PARD3: variants seen among roughly 807,000 people sequenced by gnomAD.
PARD3 encodes the protein partitioning defective 3 homolog.
In PARD3, 75 loss-of-function variants were observed where a neutral mutation model predicts 155.4. The ratio of observed to expected loss-of-function variants is 0.48; its 90% CI spans 0.40 to 0.58. PARD3 has a LOEUF of 0.58. Among genes scored for constraint, PARD3 ranks in the 20% least tolerant of loss-of-function variants. The probability of loss-of-function intolerance (pLI) is 0.00; values close to 1 mark genes in which losing one functional copy is unlikely to be tolerated. For missense variants in PARD3, 1,642 were observed against 1,721.7 expected, an observed-to-expected ratio of 0.95 and a Z score of 0.82; for synonymous variants, 576 against 610.5, an observed-to-expected ratio of 0.94 and a Z score of 0.83.
At chr10:34,466,281 G>A (rs1476814920) in intron 4 of PARD3, among the ~76,000 whole-genome samples, 18 of 152,114 alleles carry the variant, frequency 1.2e-4, no homozygotes. Flanking sequence ...AAGCAACTGA[G>A]TATCATCATC....
Position 34,499,781 on chromosome 10 carries a change from A to G in PARD3, c.403+17198T>C, listed in dbSNP as rs1158419272. Among the ~76,000 whole-genome samples, 5 of 152,212 alleles carry G rather than the reference A, an allele frequency of 3.3e-5. No individual in the cohort carries two copies. In the South Asian group the frequency reaches 6.2e-4, roughly 19 times the overall value. ...AGTTTGACAGGGCTGAGAAGAAAGG[A>G]GAGTCCAGCCATCTCTCAGTGTCTG... On this transcript the variant is annotated intron_variant, in intron 3 of 24. Transcript: ENST00000374788.
At chr10:34,320,038 A>G (rs934797611) in intron 19 of PARD3, among the ~76,000 whole-genome samples, 7 of 152,306 alleles carry the variant, frequency 4.6e-5, no homozygotes, top group African/African-American at 1.4e-4. Context: ...CTCATATGAT[A>G]TCACATACAT....
chr10:34,358,552 G>C (rs28548689), intron 14 of PARD3, among the ~76,000 whole-genome samples: 1 of 152,048 alleles, frequency 6.6e-6, no homozygotes, highest in Non-Finnish European at 1.5e-5. Flanking sequence ...TGTGGGCCAG[G>C]TGCTATGGCG....
chr10:34,384,196 G>T lies in PARD3; in HGVS notation c.949C>A (p.Leu317Ile). The stretch of plus-strand genomic sequence containing the variant: ...ACAATGCAATCATTCTCACGAAAAA[G>T]ATTTTCATGTTCAGCTTTACCACCT... ...EKGGKAEHEN[L>I]FRENDCIVRI... The change falls in exon 8 of 25, where the codon CTT becomes ATT. Residue 317 changes from leucine to isoleucine, a missense_variant. Around this residue, in one of 3 missense-constraint regions of PARD3, gnomAD observed 1,529 missense variants for 1,587.3 expected, o/e 0.96. Coordinates refer to ENST00000374788, the MANE Select transcript of PARD3 (RefSeq NM_001184785.2). The T allele has an allele frequency of 1.9e-6, 3 of 1,613,426 alleles. No homozygotes were observed. The highest frequency in any genetic ancestry group is 2.5e-6 in the Non-Finnish European group (3 of 1,179,562).
intron 22 of PARD3, among the ~76,000 whole-genome samples, chr10:34,144,889 A>C (rs916675405): frequency 6.6e-6 from 1 of 152,066 alleles, no homozygotes; most frequent in African/African-American, 2.4e-5. Flanking sequence ...CACATACGCC[A>C]ATCTAGGCTG....
chr10:34,579,554 CTGTGTGTGTGTGTGTGTGTGTGTG>C lies in PARD3; in HGVS notation c.223-62419_223-62396del, dbSNP rs554959827. ...AAATAAATAAAAGCTACCATTTTCT[CTGTGTGTGTGTGTGTGTGTGTGTG>C]TGTGTGTGTGTGTGTGTTTTGACAC... On this transcript the variant is annotated intron_variant, in intron 2 of 24. Coordinates refer to ENST00000374788, the MANE Select transcript of PARD3 (RefSeq NM_001184785.2). Among the ~76,000 whole-genome samples, 24 of 122,572 alleles carry C rather than the reference CTGTGTGTGTGTGTGTGTGTGTGTG, an allele frequency of 2.0e-4. No individual in the cohort carries two copies. In the South Asian group the frequency reaches 4.7e-3, roughly 24 times the overall value. The allele number at this position is 122,572 out of a possible 152,430, so 80.4% of individuals were successfully genotyped here.
chr10:34,117,373 G>C (rs1946737028), intron 24 of PARD3, among the ~76,000 whole-genome samples: 1 of 152,170 alleles, frequency 6.6e-6, no homozygotes. Context: ...CATGCCAGGT[G>C]GGCCAATTCG....
chr10:34,694,095 G>T (rs754181108), intron 2 of PARD3, among the ~76,000 whole-genome samples: 15 of 151,134 alleles, frequency 9.9e-5, no homozygotes, highest in Admixed American at 2.0e-4. Context: ...ACAAGGAGTT[G>T]TGCTATTTTT....
intron 22 of PARD3, among the ~76,000 whole-genome samples, chr10:34,174,476 G>T (rs1949946557): frequency 6.6e-6 from 1 of 152,202 alleles, no homozygotes; most frequent in African/African-American, 2.4e-5. Flanking sequence ...TTGAAGGTCA[G>T]GAAAAATGTG....
At chr10:34,686,880 C>A (rs944985271) in intron 2 of PARD3, among the ~76,000 whole-genome samples, 2 of 151,880 alleles carry the variant, frequency 1.3e-5, no homozygotes, top group Non-Finnish European at 2.9e-5. Context: ...GAAACCCTGT[C>A]TCTACTAAAA....
intron 22 of PARD3, among the ~76,000 whole-genome samples, chr10:34,247,060 A>G (rs1256366922): frequency 6.6e-6 from 1 of 152,012 alleles, no homozygotes; most frequent in Non-Finnish European, 1.5e-5. Context: ...TGGGTATCAG[A>G]GCAAGAGCCT....
intron 2 of PARD3, among the ~76,000 whole-genome samples, chr10:34,602,838 T>G (rs2089909209): frequency 6.6e-6 from 1 of 152,228 alleles, no homozygotes; most frequent in African/African-American, 2.4e-5. Context: ...GCCTTCACTA[T>G]ATATCCTCTT....
intron 23 of PARD3, among the ~76,000 whole-genome samples, chr10:34,120,941 C>T (rs990488465): frequency 1.3e-5 from 2 of 151,918 alleles, no homozygotes; most frequent in African/African-American, 4.8e-5. Flanking sequence ...GTCTGTGATC[C>T]CAGCTACTTG....
At chr10:34,505,792 T>C (rs1392647499) in intron 3 of PARD3, among the ~76,000 whole-genome samples, 1 of 152,160 alleles carries the variant, frequency 6.6e-6, no homozygotes, top group East Asian at 1.9e-4. Context: ...AGAGATGCAA[T>C]TAAATATATG....
chr10:34,781,744 G>A (rs755860241), intron 1 of PARD3, among the ~76,000 whole-genome samples: 5 of 152,190 alleles, frequency 3.3e-5, no homozygotes, highest in Non-Finnish European at 5.9e-5. Flanking sequence ...TATACACAGA[G>A]TGTAAAAGAT....
Position 34,698,049 on chromosome 10 carries a change from C to A in PARD3, c.121-1630G>T, listed in dbSNP as rs531441171. Among the ~76,000 whole-genome samples the A allele has an allele frequency of 5.7e-4, 87 of 152,150 alleles. 1 individual carries two copies. The South Asian group carries it at 0.017, about 30-fold the overall frequency. ...GGTGTCCCCTGGCCACTTAGAATAG[C>A]CACATCCTGCCCACCTCTTCCCACC... On this transcript the variant is annotated intron_variant, in intron 1 of 24. Transcript: ENST00000374788.
chr10:34,228,663 A>C (rs1172354760), intron 22 of PARD3, among the ~76,000 whole-genome samples: 1 of 152,098 alleles, frequency 6.6e-6, no homozygotes, highest in African/African-American at 2.4e-5. Flanking sequence ...ATACTTCAAT[A>C]AAGCTGGTAT....
intron 5 of PARD3, among the ~76,000 whole-genome samples, chr10:34,442,667 G>C (rs773967): frequency 0.54 from 81,840 of 152,110 alleles, 24,464 homozygotes; most frequent in Non-Finnish European, 0.67. Flanking sequence ...CCAGGAGTTT[G>C]AGACCAGTCT....
intron 22 of PARD3, among the ~76,000 whole-genome samples, chr10:34,254,664 GAGTC>G (rs1276615981): frequency 6.6e-6 from 1 of 151,868 alleles, no homozygotes; most frequent in African/African-American, 2.4e-5. Context: ...TCCTCAACCT[GAGTC>G]AGTCTCCTTA....
Sources: allele counts gnomAD v4.1 joint callset (sites outside exome capture counted in the v4.1 genomes callset), GRCh38; gene constraint gnomAD v4.1.1; regional missense constraint gnomAD v4.1.1; transcripts MANE v1.5; gene names NCBI Gene and HGNC (gene_info 2026-07-23, HGNC 2026-07-21).